Variants in NAPB observed in about 807,000 individuals in gnomAD.
The protein encoded by NAPB is beta-soluble NSF attachment protein.
A neutral mutation model predicts 44.7 loss-of-function variants in NAPB; 26 were observed. The ratio of observed to expected loss-of-function variants is 0.58; its 90% CI spans 0.43 to 0.81. The LOEUF is 0.81. NAPB is among the 30% of genes least tolerant of loss of function. The pLI is 0.00. For synonymous variants in NAPB, 120 were observed against 116.8 expected (o/e 1.03, Z -0.18); for missense variants, 315 against 356.4 (o/e 0.88, Z 0.94).
At chr20:23,388,557 G>A (rs1041965436) in intron 7 of NAPB, among the ~76,000 whole-genome samples, 1 of 152,034 alleles carries the variant, frequency 6.6e-6, no homozygotes, top group Admixed American at 6.6e-5. Context: ...GCACAAAGAT[G>A]GATAAATAGA....
At chr20:23,404,281 G>A (rs997974401) in intron 1 of NAPB, among the ~76,000 whole-genome samples, 9 of 152,174 alleles carry the variant, frequency 5.9e-5, no homozygotes, top group Non-Finnish European at 7.3e-5. Context: ...CAAGGAACTC[G>A]GTGGGGTATG....
At chr20:23,402,746 A>G (rs1984940532) in intron 2 of NAPB, among the ~76,000 whole-genome samples, 1 of 152,226 alleles carries the variant, frequency 6.6e-6, no homozygotes, top group Admixed American at 6.5e-5. Flanking sequence ...TACTGTATTA[A>G]GAAGTTTATA....
At chr20:23,418,529 C>A (rs1478302647) in intron 1 of NAPB, among the ~76,000 whole-genome samples, 7 of 152,116 alleles carry the variant, frequency 4.6e-5, no homozygotes, top group African/African-American at 1.7e-4. Context: ...AAGTACTCTT[C>A]TTCCTGCAAG....
In NAPB at chr20:23,381,227, C is replaced by A; in HGVS notation, c.652G>T (p.Glu218Ter). The change falls in exon 8 of 11, where the codon GAG (glutamate) becomes TAG (stop). Residue 218 changes from glutamate to a stop codon, truncating the protein, a stop_gained. Transcript: ENST00000377026. LOFTEE classifies it high-confidence loss of function. Reference protein sequence around the residue: ...KAALCHFIVDELNAKLALEKY... With the variant: ...KAALCHFIVD ...GAACTCCTTACCTTGGCATTCAACT[C>A]GTCTACTATGAAGTGGCAGAGGGCA... 6.2e-7 allele frequency: 1 copy of A among 1,612,900 alleles called. No individual in the cohort carries two copies. The highest frequency in any genetic ancestry group is 8.5e-7 in the Non-Finnish European group (1 of 1,179,060).
intron 2 of NAPB, among the ~76,000 whole-genome samples, chr20:23,401,126 A>C (rs957984391): frequency 3.3e-5 from 5 of 152,104 alleles, no homozygotes; most frequent in Non-Finnish European, 5.9e-5. Flanking sequence ...GGGAAAGAGT[A>C]GGGAGACAGA....
intron 2 of NAPB, among the ~76,000 whole-genome samples, chr20:23,402,755 T>C (rs767300309): frequency 4.6e-5 from 7 of 152,236 alleles, no homozygotes; most frequent in Non-Finnish European, 1.0e-4. Context: ...AAGAAGTTTA[T>C]AGAAACTAAG....
intron 1 of NAPB, among the ~76,000 whole-genome samples, chr20:23,411,555 T>C (rs991419777): frequency 1.3e-5 from 2 of 151,958 alleles, no homozygotes; most frequent in Non-Finnish European, 2.9e-5. Flanking sequence ...ATATGTTGTA[T>C]TGTAGATCTA....
chr20:23,416,118 C>G, intron 1 of NAPB, among the ~76,000 whole-genome samples: 1 of 152,178 alleles, frequency 6.6e-6, no homozygotes, highest in East Asian at 1.9e-4. Flanking sequence ...CCAATATTTA[C>G]CACGTGCCTA....
chr20:23,399,565 G>A (rs1421013219), intron 2 of NAPB, among the ~76,000 whole-genome samples: 1 of 152,178 alleles, frequency 6.6e-6, no homozygotes, highest in Non-Finnish European at 1.5e-5. Flanking sequence ...TATAGCCGCA[G>A]GAAGAAACCA....
At chr20:23,384,551 G>A (rs551572572) in intron 7 of NAPB, among the ~76,000 whole-genome samples, 8 of 152,120 alleles carry the variant, frequency 5.3e-5, no homozygotes, top group Admixed American at 2.6e-4. Flanking sequence ...GAGGTTGGGA[G>A]GTGGAGGCTG....
intron 5 of NAPB, among the ~76,000 whole-genome samples, chr20:23,393,199 G>A (rs1251502005): frequency 3.9e-5 from 6 of 152,110 alleles, no homozygotes; most frequent in Non-Finnish European, 1.5e-5. Context: ...CCTGCCTCCA[G>A]GATCCACAGA....
chr20:23,389,564 A>C (rs1454703093), intron 7 of NAPB, among the ~76,000 whole-genome samples: 1 of 152,246 alleles, frequency 6.6e-6, no homozygotes, highest in Non-Finnish European at 1.5e-5. Context: ...AAACAATGAC[A>C]TACTGACATT....
chr20:23,404,573 G>A (rs142993789), intron 1 of NAPB, among the ~76,000 whole-genome samples: 7 of 152,226 alleles, frequency 4.6e-5, no homozygotes, highest in Admixed American at 1.3e-4. Flanking sequence ...TTTGGCATGC[G>A]TAAACTGAAG....
At chr20:23,402,515 CTT>C (rs1390169636) in intron 2 of NAPB, among the ~76,000 whole-genome samples, 1 of 152,142 alleles carries the variant, frequency 6.6e-6, no homozygotes, top group Non-Finnish European at 1.5e-5. Context: ...CCAAACCCCA[CTT>C]TCAGTTCTCA....
At chr20:23,409,952 G>A (rs1206571239) in intron 1 of NAPB, among the ~76,000 whole-genome samples, 1 of 152,190 alleles carries the variant, frequency 6.6e-6, no homozygotes, top group East Asian at 1.9e-4. Context: ...TCTCAGCAAG[G>A]AAGTGCCCTA....
intron 7 of NAPB, among the ~76,000 whole-genome samples, chr20:23,382,933 C>T (rs1040629452): frequency 6.6e-6 from 1 of 151,680 alleles, no homozygotes; most frequent in African/African-American, 2.4e-5. Context: ...GGCAGGCGAA[C>T]CACTTGAGGT....
At chr20:23,398,912 T>A (rs1193152053) in intron 2 of NAPB, among the ~76,000 whole-genome samples, 1 of 148,738 alleles carries the variant, frequency 6.7e-6, no homozygotes, top group Non-Finnish European at 1.5e-5. Flanking sequence ...CAGGCTGGTT[T>A]TGAACTTCTG....
rs1982389304 is a variant in NAPB, at chr20:23,375,035, A to G, written c.*2341T>C. 1 of 152,218 alleles carries G rather than the reference A, an allele frequency of 6.6e-6. No individual in the cohort carries two copies. Among genetic ancestry groups the G allele is most frequent in the African/African-American group, 2.4e-5 (1 of 41,460 alleles). 9.4% of individuals were successfully genotyped at this position (152,218 alleles called of 1,614,324 possible). On this transcript the variant is annotated 3_prime_UTR_variant, in exon 11 of 11. Transcript: ENST00000377026. ...ACCTAGCTCACAGGCATCTTGAAAC[A>G]TGGCACTGTCCTACATCCATGGGAC...
At chr20:23,418,321 T>A (rs1340505059) in intron 1 of NAPB, among the ~76,000 whole-genome samples, 4 of 152,194 alleles carry the variant, frequency 2.6e-5, no homozygotes, top group Admixed American at 2.0e-4. Flanking sequence ...ATGGTGACAT[T>A]CTATAGCTAA....
Sources: gnomAD v4.1 joint callset for allele counts (sites outside exome capture counted in the v4.1 genomes callset) on GRCh38, gnomAD v4.1.1 for gene constraint, MANE v1.5 for transcripts, NCBI Gene and HGNC (gene_info 2026-07-23, HGNC 2026-07-21) for gene names.